HCRTR2: variants seen among roughly 807,000 people sequenced by gnomAD.
HCRTR2 encodes the protein orexin receptor type 2.
HCRTR2 carries 22 observed loss-of-function variants against 49.0 expected under a neutral mutation model. The observed-to-expected ratio is 0.45, with a 90% confidence interval of 0.32 to 0.64. The LOEUF is 0.64. Ranked by LOEUF, HCRTR2 falls within the 30% of genes least tolerant of loss-of-function variation. The pLI is 0.04. For synonymous variants in HCRTR2, 236 were observed against 205.3 expected, an observed-to-expected ratio of 1.15 and a Z score of -1.28; for missense variants, 491 against 559.4, an observed-to-expected ratio of 0.88 and a Z score of 1.23.
At chr6:55,228,595 T>A (rs1766055694) in intron 1 of HCRTR2, among the ~76,000 whole-genome samples, 1 of 152,142 alleles carries the variant, frequency 6.6e-6, no homozygotes, top group Non-Finnish European at 1.5e-5. Flanking sequence ...AAATATCCAA[T>A]AACATGCCCC....
rs532594960 is a variant in HCRTR2, at chr6:55,242,089, C to T, written c.224-6550C>T. 1.8e-4 allele frequency among the ~76,000 whole-genome samples: 27 copies of T among 151,860 alleles called. No individual in the cohort carries two copies. In the Middle Eastern group the frequency reaches 0.014, roughly 77 times the overall value. On this transcript the variant is annotated intron_variant, in intron 1 of 6. Transcript: ENST00000370862. ...TTCACTATGTTGGCCAGTCTGGTCT[C>T]GAACTCCTGATCTCAGGGGATCCAC... is the stretch of plus-strand genomic sequence containing the variant.
intron 1 of HCRTR2, among the ~76,000 whole-genome samples, chr6:55,221,004 A>G (rs1208450707): frequency 6.6e-6 from 1 of 152,210 alleles, no homozygotes; most frequent in Non-Finnish European, 1.5e-5. Context: ...GAGGCTAACG[A>G]CTTATACACT....
intron 1 of HCRTR2, among the ~76,000 whole-genome samples, chr6:55,128,781 A>C (rs1581786406): frequency 6.6e-6 from 1 of 152,292 alleles, no homozygotes; most frequent in East Asian, 1.9e-4. Context: ...AGAATAGGGA[A>C]TAGTTAGGTT....
intron 1 of HCRTR2, among the ~76,000 whole-genome samples, chr6:55,130,861 C>T (rs1346387451): frequency 6.6e-6 from 1 of 151,896 alleles, no homozygotes; most frequent in Non-Finnish European, 1.5e-5. Flanking sequence ...ATTATTTTCT[C>T]AATGACAGCA....
chr6:55,174,701 A>G lies in HCRTR2; in HGVS notation c.114A>G (p.Glu38=), dbSNP rs200553902. Residue 38 remains glutamate (E), a synonymous_variant, in exon 1 of 7, where the codon GAA becomes GAG. Transcript: ENST00000370862. ...ACCCCACCGACTATGACGACGAGGA[A>G]TTCCTGCGGTACCTGTGGAGGGAAT... is the stretch of plus-strand genomic sequence containing the variant. ...FLNPTDYDDE[E]FLRYLWREYL... is the part of the protein sequence containing the mutation. 167 of 1,613,956 alleles carry G rather than the reference A, an allele frequency of 1.0e-4. No individual in the cohort carries two copies. Among genetic ancestry groups the G allele is most frequent in the Non-Finnish European group, 1.4e-4 (164 of 1,180,022 alleles).
intron 1 of HCRTR2, among the ~76,000 whole-genome samples, chr6:55,143,814 T>A (rs1380961099): frequency 6.6e-6 from 1 of 152,164 alleles, no homozygotes; most frequent in Non-Finnish European, 1.5e-5. Context: ...AGAGCCAAAA[T>A]ATGAACGCAG....
Position 55,143,125 on chromosome 6 carries a change from T to C in HCRTR2, c.-377-31086T>C, listed in dbSNP as rs983224772. On this transcript the variant is annotated intron_variant, in intron 1 of 7. Coordinates refer to the HCRTR2 transcript ENST00000615358. ...TTGGCAAAATGTGACCATTCAAATA[T>C]TTTTTAAGTTAATAGAATAAAAGTT... Among the ~76,000 whole-genome samples, 5 of 150,354 alleles carry C rather than the reference T, an allele frequency of 3.3e-5. 2 individuals carry two copies. The highest frequency in any genetic ancestry group is 5.9e-5 in the Non-Finnish European group (4 of 67,644).
At chr6:55,274,969 T>TTTTC (rs1199784804) in intron 4 of HCRTR2, among the ~76,000 whole-genome samples, 1 of 152,170 alleles carries the variant, frequency 6.6e-6, no homozygotes, top group Non-Finnish European at 1.5e-5. Context: ...GGCCTGGAGA[T>TTTTC]TTTCTTGTAG....
intron 1 of HCRTR2, among the ~76,000 whole-genome samples, chr6:55,219,240 AT>A (rs1765845650): frequency 1.3e-5 from 2 of 152,344 alleles, no homozygotes; most frequent in South Asian, 4.1e-4. Context: ...CAGCACCAGA[AT>A]ATGCATTCTT....
chr6:55,258,888 T>C (rs1355760018), intron 3 of HCRTR2, among the ~76,000 whole-genome samples: 1 of 151,952 alleles, frequency 6.6e-6, no homozygotes, highest in Non-Finnish European at 1.5e-5. Flanking sequence ...CCGTCTCTAC[T>C]GAAAACACAA....
chr6:55,163,722 C>T (rs1764838953), intron 1 of HCRTR2, among the ~76,000 whole-genome samples: 1 of 152,098 alleles, frequency 6.6e-6, no homozygotes, highest in Admixed American at 6.6e-5. Context: ...CATGGGCAAA[C>T]ACTTCATGTC....
At chr6:55,143,719 A>T (rs534726259) in intron 1 of HCRTR2, among the ~76,000 whole-genome samples, 10 of 151,438 alleles carry the variant, frequency 6.6e-5, no homozygotes, top group African/African-American at 2.4e-4. Context: ...GAGGATGGGT[A>T]ACAATGAGAT....
chr6:55,168,686 C>A (rs1378576250), intron 1 of HCRTR2, among the ~76,000 whole-genome samples: 1 of 152,044 alleles, frequency 6.6e-6, no homozygotes, highest in East Asian at 1.9e-4. Flanking sequence ...CAACTTGAGC[C>A]TCCCAGATAG....
chr6:55,197,492 A>T (rs1765438316), intron 1 of HCRTR2, among the ~76,000 whole-genome samples: 1 of 152,274 alleles, frequency 6.6e-6, no homozygotes, highest in Non-Finnish European at 1.5e-5. Context: ...CCTAACCCTA[A>T]TATTATCATC....
intron 1 of HCRTR2, among the ~76,000 whole-genome samples, chr6:55,242,230 A>G (rs1201384262): frequency 1.3e-5 from 2 of 152,124 alleles, no homozygotes; most frequent in African/African-American, 2.4e-5. Flanking sequence ...CAACTTAATC[A>G]GTTTTAAGTG....
At chr6:55,168,098 C>T (rs1301730010) in intron 1 of HCRTR2, among the ~76,000 whole-genome samples, 2 of 152,092 alleles carry the variant, frequency 1.3e-5, no homozygotes, top group African/African-American at 2.4e-5. Flanking sequence ...TAGTGATTGG[C>T]CAACAGCTAA....
intron 1 of HCRTR2, among the ~76,000 whole-genome samples, chr6:55,125,037 G>A (rs1237587890): frequency 2.0e-5 from 3 of 151,638 alleles, no homozygotes; most frequent in Non-Finnish European, 4.4e-5. Context: ...CCTGAATACA[G>A]CACATTGATG....
chr6:55,205,076 C>A (rs1376741175), intron 1 of HCRTR2, among the ~76,000 whole-genome samples: 3 of 152,082 alleles, frequency 2.0e-5, no homozygotes, highest in African/African-American at 7.2e-5. Context: ...CTGTGCCTGG[C>A]CCAACATTTT....
chr6:55,153,498 C>T lies in HCRTR2; in HGVS notation c.-377-20713C>T, dbSNP rs186974024. 4.6e-4 allele frequency among the ~76,000 whole-genome samples: 70 copies of T among 152,098 alleles called. 1 individual carries two copies. Among genetic ancestry groups the T allele is most frequent in the South Asian group, 8.3e-4 (4 of 4,828 alleles). On this transcript the variant is annotated intron_variant, in intron 1 of 7. Transcript: ENST00000615358. ...TAGAAAAAGTACAGTAAAAATATTG[C>T]ATCATACTCTCATGGAACCATCATC...
Sources: gnomAD v4.1 joint callset for allele counts (sites outside exome capture counted in the v4.1 genomes callset) on GRCh38, gnomAD v4.1.1 for gene constraint, MANE v1.5 for transcripts, NCBI Gene and HGNC (gene_info 2026-07-23, HGNC 2026-07-21) for gene names.